Variants in TAS1R2 observed in about 807,000 individuals in gnomAD.
The protein encoded by TAS1R2 is taste 1 receptor member 2, also known as taste receptor type 1 member 2.
TAS1R2 carries 47 observed loss-of-function variants against 49.3 expected under a neutral mutation model. The observed-to-expected ratio is 0.95, with a 90% CI of 0.75 to 1.22. TAS1R2 has a LOEUF of 1.22. TAS1R2 is among the 50% of genes most tolerant of loss of function. TAS1R2 has a pLI of 0.00. For synonymous variants in TAS1R2, 479 were observed against 467.9 expected (o/e 1.02, Z -0.31); for missense variants, 1,155 against 1,122.1 (o/e 1.03, Z -0.42).
chr1:18,851,600 A>C (rs949666960), intron 3 of TAS1R2, among the ~76,000 whole-genome samples: 1 of 152,034 alleles, frequency 6.6e-6, no homozygotes, highest in Non-Finnish European at 1.5e-5. Context: ...AACTGCTGGG[A>C]TTACAGGTGT....
Position 18,854,307 on chromosome 1 carries a change from A to T in TAS1R2, c.1163T>A (p.Val388Glu). 6.8e-6 allele frequency: 11 copies of T among 1,614,170 alleles called. No homozygotes were observed. The highest frequency in any genetic ancestry group is 9.3e-6 in the Non-Finnish European group (11 of 1,180,026). ...GGCCACAGCATAGACCGCAGAGTAC[A>T]CGCTGTAGACGACACGCTCCCCAGA... Residue 388 changes from valine (V) to glutamate (E), a missense_variant, in exon 3 of 6, where the codon GTG (valine) becomes GAG (glutamate). Physicochemically the swap from Val to Glu is moderately radical, Grantham distance 121. Transcript: ENST00000375371. This position sits in a 1 kb window ranked among gnomAD's most constrained non-coding sequence, Gnocchi z 4.9.
At chr1:18,845,916 A>T (rs1210147286) in intron 4 of TAS1R2, among the ~76,000 whole-genome samples, 1 of 152,180 alleles carries the variant, frequency 6.6e-6, no homozygotes, top group East Asian at 1.9e-4. Flanking sequence ...AGCAGAAGAG[A>T]GAGATGAATA....
At chr1:18,855,147 C>T (rs189183871) in intron 2 of TAS1R2, among the ~76,000 whole-genome samples, 161 bp from the exon 3 acceptor site, 1 of 152,254 alleles carries the variant, frequency 6.6e-6, no homozygotes, top group Non-Finnish European at 1.5e-5. Context: ...CCCAGGTAGC[C>T]CCATGCAATA....
rs1241412300 is a variant in TAS1R2 at position 18,854,462 on chromosome 1, A to G, written c.1008T>C (p.Ser336=). ...CCTGTGGGCCCCACTCGCGGAACTCACTGAAGCCCGGGATGGGCACGCTCT... is the reference window on the plus strand; with the variant it reads ...CCTGTGGGCCCCACTCGCGGAACTCGCTGAAGCCCGGGATGGGCACGCTCT... Residue 336 remains serine, a synonymous_variant, in exon 3 of 6, where the codon AGT becomes AGC. Coordinates refer to ENST00000375371, the Ensembl canonical transcript of TAS1R2. This position sits in a 1 kb window ranked among gnomAD's most constrained non-coding sequence, Gnocchi z 4.9. 6.2e-7 allele frequency: 1 copy of G among 1,614,142 alleles called. No individual in the cohort carries two copies. The highest frequency in any genetic ancestry group is 1.7e-5 in the Admixed American group (1 of 60,028).
At chr1:18,843,448 G>C (rs555878919) in intron 4 of TAS1R2, among the ~76,000 whole-genome samples, 1 of 152,330 alleles carries the variant, frequency 6.6e-6, no homozygotes, top group South Asian at 2.1e-4. Flanking sequence ...TACCATGAAA[G>C]TATGGAACTT....
chr1:18,857,394 G>A (rs1453926768), exon 2 of TAS1R2: 2 of 1,614,110 alleles, frequency 1.2e-6, no homozygotes, highest in Admixed American at 1.7e-5. Context: ...AGTTGTCAGG[G>A]CCAATGACAG....
intron 3 of TAS1R2, among the ~76,000 whole-genome samples, chr1:18,852,853 T>C (rs1290285789): frequency 6.6e-6 from 1 of 152,236 alleles, no homozygotes; most frequent in African/African-American, 2.4e-5. Context: ...AATTCTGACT[T>C]CTTGCTGCAC....
chr1:18,858,704 C>G (rs1934186051), intron 1 of TAS1R2, among the ~76,000 whole-genome samples: 1 of 152,220 alleles, frequency 6.6e-6, no homozygotes, highest in Non-Finnish European at 1.5e-5. Flanking sequence ...CTATCACCAT[C>G]ATTATACACC....
chr1:18,854,677 G>A lies in TAS1R2; in HGVS notation c.793C>T (p.Gln265Ter). The A allele has an allele frequency of 6.2e-7, 1 of 1,613,874 alleles. No individual in the cohort carries two copies. The highest frequency in any genetic ancestry group is 1.1e-5 in the South Asian group (1 of 91,058). Residue 265 changes from glutamine to a stop codon, truncating the protein, a stop_gained, in exon 3 of 6, where the codon CAG (glutamine) becomes TAG (stop). Transcript: ENST00000375371. LOFTEE classifies it high-confidence loss of function. The surrounding 1 kb of genome is among the most constrained non-coding windows in gnomAD (Gnocchi z 4.9). ...ACCACGACGCGCGCTGTGCTCTGCT[G>A]CAGCTTGTCCACAATGGTCACCAGG... is the stretch of plus-strand genomic sequence containing the variant.
intron 4 of TAS1R2, 70 bp from the exon 5 acceptor site, chr1:18,841,922 A>G (rs1200671784): frequency 6.9e-6 from 10 of 1,459,492 alleles, no homozygotes; most frequent in African/African-American, 2.8e-5. Context: ...CCCCTCTCCA[A>G]CCAGCAGGAT....
Position 18,854,986 on chromosome 1 carries a change from T to A in TAS1R2, c.484A>T (p.Ile162Phe). Reference sequence around the variant, plus strand: ...TCATCGCTGATGGCGCTGTAGGTGATCTGCAAGGGGAAGGGCTGTGGCATG... The same window carrying A: ...TCATCGCTGATGGCGCTGTAGGTGAACTGCAAGGGGAAGGGCTGTGGCATG... Residue 162 changes from isoleucine (I) to phenylalanine (F), a missense_variant and splice_region_variant, in exon 3 of 6, where the codon ATC (isoleucine) becomes TTC (phenylalanine). Physicochemically the swap from Ile to Phe is conservative, Grantham distance 21. Coordinates refer to ENST00000375371, the Ensembl canonical transcript of TAS1R2. This position sits in a 1 kb window ranked among gnomAD's most constrained non-coding sequence, Gnocchi z 4.9. The A allele has an allele frequency of 1.2e-6, 2 of 1,601,540 alleles. No individual in the cohort carries two copies. The highest frequency in any genetic ancestry group is 1.1e-5 in the South Asian group (1 of 90,622).
exon 1 of TAS1R2, chr1:18,859,632 G>A (rs896069334): frequency 6.2e-7 from 1 of 1,614,260 alleles, no homozygotes; most frequent in Non-Finnish European, 8.5e-7. Flanking sequence ...GAAGAACAGG[G>A]AGGAGATGGT....
Position 18,858,295 on chromosome 1 carries a change from T to A in TAS1R2, c.183-664A>T, listed in dbSNP as rs373050376. 807 of 149,638 alleles carry A rather than the reference T, an allele frequency of 5.4e-3. 4 individuals are homozygous for A. The highest frequency in any genetic ancestry group is 0.015 in the Middle Eastern group (4 of 274). The allele number at this position is 149,638 out of a possible 1,614,324, so 9.3% of individuals were successfully genotyped here. ...ATCACTAACACCATCAGCACCATCA[T>A]CAGCATCACTACGATCACCACCATC... is the stretch of plus-strand genomic sequence containing the variant. On this transcript the variant is annotated intron_variant, in intron 1 of 5. Transcript: ENST00000375371.
intron 3 of TAS1R2, among the ~76,000 whole-genome samples, chr1:18,852,765 C>T (rs1934055553): frequency 6.6e-6 from 1 of 152,238 alleles, no homozygotes; most frequent in Admixed American, 6.5e-5. Context: ...GGTCCAGTGC[C>T]TGTTCACTCC....
chr1:18,842,474 A>G (rs759752231), intron 4 of TAS1R2, among the ~76,000 whole-genome samples: 12 of 152,376 alleles, frequency 7.9e-5, no homozygotes, highest in Middle Eastern at 3.4e-3. Context: ...TAGTAAGCAT[A>G]GTTTTAATAA....
At chr1:18,848,215 C>T (rs1018111802) in intron 4 of TAS1R2, among the ~76,000 whole-genome samples, 2 of 152,012 alleles carry the variant, frequency 1.3e-5, no homozygotes, top group Admixed American at 6.6e-5. Context: ...CACAGACTAG[C>T]TGTGTGGCCT....
chr1:18,847,316 T>C (rs1415445386), intron 4 of TAS1R2, among the ~76,000 whole-genome samples: 1 of 152,168 alleles, frequency 6.6e-6, no homozygotes, highest in Non-Finnish European at 1.5e-5. Context: ...GACACTTTGA[T>C]CTTGGACTTC....
exon 6 of TAS1R2, chr1:18,839,801 G>A: frequency 1.9e-6 from 3 of 1,614,238 alleles, no homozygotes; most frequent in Non-Finnish European, 2.5e-6. Flanking sequence ...GAGGGAGACG[G>A]ATGAGGTGAA....
intron 4 of TAS1R2, among the ~76,000 whole-genome samples, chr1:18,848,158 A>C (rs1171519351): frequency 6.6e-6 from 1 of 152,076 alleles, no homozygotes; most frequent in Non-Finnish European, 1.5e-5. Context: ...GTATATAGAG[A>C]ACCTCCGCCA....
Sources: gnomAD v4.1 joint callset for allele counts (sites outside exome capture counted in the v4.1 genomes callset) on GRCh38, gnomAD v4.1.1 for gene constraint, Gnocchi (gnomAD v3.1) non-coding constraint, MANE v1.5 for transcripts, NCBI Gene and HGNC (gene_info 2026-07-23, HGNC 2026-07-21) for gene names.